Variants in NTRK3 observed in about 807,000 individuals in gnomAD.
The protein encoded by NTRK3 is NT-3 growth factor receptor.
In NTRK3, 24 loss-of-function variants were observed where a neutral mutation model predicts 91.7. The observed-to-expected ratio is 0.26, with a 90% confidence interval of 0.19 to 0.37. NTRK3 has a LOEUF of 0.37. Ranked by LOEUF, NTRK3 falls within the 10% of genes least tolerant of loss-of-function variation. NTRK3 has a pLI of 1.00. For missense variants in NTRK3, 880 were observed against 1,068.9 expected (o/e 0.82, Z 2.46); for synonymous variants, 483 against 404.0 (o/e 1.20, Z -2.34).
exon 19 of NTRK3, chr15:87,863,024 C>A (rs1156595981): frequency 4.3e-6 from 1 of 230,884 alleles, no homozygotes; most frequent in Non-Finnish European, 8.6e-6. Flanking sequence ...TGTGTATAAG[C>A]AGTCCTTCAT....
chr15:87,965,844 G>A (rs1320502802), intron 14 of NTRK3, among the ~76,000 whole-genome samples: 4 of 152,122 alleles, frequency 2.6e-5, no homozygotes, highest in African/African-American at 7.2e-5. Context: ...TTGGGAGGCC[G>A]AGGCAGGTGG....
In NTRK3 at chr15:88,115,487, C is replaced by T. The variant is rs536161717; in HGVS notation, c.1396+10784G>A. Among the ~76,000 whole-genome samples, 3 of 152,200 alleles carry T rather than the reference C, an allele frequency of 2.0e-5. No homozygotes were observed. In the South Asian group the frequency reaches 6.2e-4, roughly 32 times the overall value. The stretch of plus-strand genomic sequence containing the variant: ...TTGAAAGGCAGTTCCTGGAACCACC[C>T]GGACGCCCTCCTTGGGGCTTCATGT... On this transcript the variant is annotated intron_variant, in intron 13 of 18. Transcript: ENST00000394480.
At chr15:88,073,378 G>A (rs2047255162) in intron 13 of NTRK3, among the ~76,000 whole-genome samples, 1 of 152,160 alleles carries the variant, frequency 6.6e-6, no homozygotes. Flanking sequence ...AGCATCACCT[G>A]GAAACTGGTG....
chr15:88,176,753 T>G (rs1229115978), intron 5 of NTRK3, among the ~76,000 whole-genome samples: 1 of 152,312 alleles, frequency 6.6e-6, no homozygotes, highest in East Asian at 1.9e-4. Flanking sequence ...GCTGGAGATA[T>G]AGCAGGGAAA....
At chr15:88,229,019 T>C (rs569059274) in intron 3 of NTRK3, among the ~76,000 whole-genome samples, 1 of 152,206 alleles carries the variant, frequency 6.6e-6, no homozygotes, top group East Asian at 1.9e-4. Flanking sequence ...CACCAGGACA[T>C]ATTGGCTGCA....
exon 14 of NTRK3, chr15:88,033,039 A>C (rs2078694030): frequency 2.5e-6 from 4 of 1,581,266 alleles, no homozygotes; most frequent in Non-Finnish European, 3.4e-6. Flanking sequence ...GATGACAGCC[A>C]CGGGACCTGC....
intron 13 of NTRK3, among the ~76,000 whole-genome samples, chr15:88,069,696 G>T (rs370223568): frequency 6.6e-6 from 1 of 152,192 alleles, no homozygotes; most frequent in Admixed American, 6.5e-5. Context: ...CACAGAACAC[G>T]TAGGATTTTG....
intron 3 of NTRK3, among the ~76,000 whole-genome samples, chr15:88,227,118 T>G (rs2050740853): frequency 6.6e-6 from 1 of 152,128 alleles, no homozygotes; most frequent in South Asian, 2.1e-4. Flanking sequence ...AATCTCAGCT[T>G]CAGTTTGCAC....
chr15:88,112,848 G>A (rs1214983581), intron 13 of NTRK3, among the ~76,000 whole-genome samples: 1 of 152,128 alleles, frequency 6.6e-6, no homozygotes, highest in Non-Finnish European at 1.5e-5. Context: ...AATGCACCTG[G>A]AAGACCCCAC....
intron 14 of NTRK3, chr15:87,979,064 T>A (rs1004864967): frequency 1.9e-6 from 1 of 529,176 alleles, no homozygotes; most frequent in African/African-American, 1.9e-5. Flanking sequence ...TGCACAGGTT[T>A]TTAATTCTCT....
At chr15:88,242,925 T>C (rs2052499220) in intron 3 of NTRK3, among the ~76,000 whole-genome samples, 1 of 152,192 alleles carries the variant, frequency 6.6e-6, no homozygotes, top group South Asian at 2.1e-4. Context: ...AGACAGTCCT[T>C]TGGAAAACAG....
intron 10 of NTRK3, among the ~76,000 whole-genome samples, 153 bp downstream of exon 10, chr15:88,134,948 C>T (rs545028804): frequency 3.2e-4 from 49 of 152,310 alleles, no homozygotes; most frequent in African/African-American, 1.1e-3. Context: ...ATACCAGATG[C>T]GGCTGGTGGT....
intron 5 of NTRK3, among the ~76,000 whole-genome samples, chr15:88,159,292 A>G (rs796167599): frequency 6.6e-6 from 1 of 152,262 alleles, no homozygotes; most frequent in South Asian, 2.1e-4. Flanking sequence ...GATTAGGCCA[A>G]CGCTGCATCC....
rs114124754 is a variant in NTRK3, at chr15:87,903,707, C to T, written c.2134-23279G>A. On this transcript the variant is annotated intron_variant, in intron 17 of 18. Coordinates refer to ENST00000394480, the Ensembl canonical transcript of NTRK3. ...TAATGAGGACATGCGATACCCTGTA[C>T]ATTCACAGGCATCTTACACAGGGGA... Among the ~76,000 whole-genome samples, 421 of 152,302 alleles carry T rather than the reference C, an allele frequency of 2.8e-3. 2 individuals carry two copies. Among genetic ancestry groups the T allele is most frequent in the African/African-American group, 9.7e-3 (405 of 41,568 alleles).
At chr15:88,109,033 T>G (rs1177748944) in intron 13 of NTRK3, among the ~76,000 whole-genome samples, 1 of 152,198 alleles carries the variant, frequency 6.6e-6, no homozygotes, top group Non-Finnish European at 1.5e-5. Context: ...CCTGGAAATT[T>G]ATGGCAATAA....
At chr15:87,892,127 A>G (rs2065887314) in intron 17 of NTRK3, among the ~76,000 whole-genome samples, 2 of 125,154 alleles carry the variant, frequency 1.6e-5, no homozygotes, top group South Asian at 2.5e-4. Flanking sequence ...CGCACACACC[A>G]CTCTCCAAAA....
intron 3 of NTRK3, among the ~76,000 whole-genome samples, chr15:88,209,506 G>A (rs747447004): frequency 1.3e-5 from 2 of 152,166 alleles, no homozygotes; most frequent in African/African-American, 2.4e-5. Flanking sequence ...ATGGGGAAAC[G>A]GGTGACATCT....
At chr15:88,082,061 G>A (rs2150658210) in intron 13 of NTRK3, among the ~76,000 whole-genome samples, 1 of 152,266 alleles carries the variant, frequency 6.6e-6, no homozygotes, top group Middle Eastern at 3.4e-3. Context: ...CAGATCACGA[G>A]GCCAGGAGAT....
At chr15:88,056,761 C>T (rs1597036428) in intron 13 of NTRK3, among the ~76,000 whole-genome samples, 1 of 152,340 alleles carries the variant, frequency 6.6e-6, no homozygotes, top group Admixed American at 6.5e-5. Flanking sequence ...ATTGGGGTGA[C>T]TCCACAGAGA....
Sources: gnomAD v4.1 joint callset for allele counts (sites outside exome capture counted in the v4.1 genomes callset) on GRCh38, gnomAD v4.1.1 for gene constraint, MANE v1.5 for transcripts, NCBI Gene and HGNC (gene_info 2026-07-23, HGNC 2026-07-21) for gene names.